Variants in CSMD1 observed in about 807,000 individuals in gnomAD.
CSMD1 encodes the protein CUB and Sushi multiple domains 1.
Under a neutral mutation model 417.5 loss-of-function variants are expected in CSMD1, and 213 were observed. That is an observed-to-expected ratio of 0.51 (90% CI 0.46 to 0.57). The LOEUF (loss-of-function observed/expected upper bound fraction) is 0.57. CSMD1 is among the 20% of genes least tolerant of loss of function. CSMD1 has a pLI of 0.00. For missense variants in CSMD1, 6,923 were observed against 4,529.7 expected (o/e 1.53, Z -15.17); for synonymous variants, 2,862 against 1,736.8 (o/e 1.65, Z -16.11).
intron 65 of CSMD1, 30 bp from the exon 66 acceptor site, chr8:2,951,305 C>G (rs200112287): frequency 7.3e-5 from 115 of 1,575,796 alleles, no homozygotes; most frequent in Middle Eastern, 1.7e-4. Context: ...AGACCAATGT[C>G]AGCACACACA....
At chr8:4,092,583 C>A (rs1445422464) in intron 3 of CSMD1, among the ~76,000 whole-genome samples, 1 of 152,036 alleles carries the variant, frequency 6.6e-6, no homozygotes. Flanking sequence ...TTAACACTAC[C>A]AATAATTAGC....
rs146652088 is a variant in CSMD1 at position 4,909,754 on chromosome 8, C to G, written c.85+84578G>C. ...AAGTGATCTCACCTGTATATAGCTC[C>G]TATAGTCTCTGATCCATGTACATTT... On this transcript the variant is annotated intron_variant, in intron 1 of 69. Transcript: ENST00000635120. 5.0e-3 allele frequency among the ~76,000 whole-genome samples: 757 copies of G among 152,256 alleles called. 9 individuals are homozygous for G. The highest frequency in any genetic ancestry group is 0.017 in the African/African-American group (709 of 41,554).
At chr8:3,427,954 G>C (rs1813962417) in intron 12 of CSMD1, among the ~76,000 whole-genome samples, 3 of 151,990 alleles carry the variant, frequency 2.0e-5, no homozygotes, top group South Asian at 4.2e-4. Context: ...GAATTAATAA[G>C]GTAAAGGAAT....
intron 3 of CSMD1, among the ~76,000 whole-genome samples, chr8:4,358,199 C>G (rs541343262): frequency 1.3e-5 from 2 of 152,102 alleles, no homozygotes; most frequent in African/African-American, 4.8e-5. Flanking sequence ...TGAATGTCTT[C>G]TGGGGTGTTA....
intron 1 of CSMD1, among the ~76,000 whole-genome samples, chr8:4,840,891 G>A (rs146947575): frequency 2.8e-4 from 43 of 152,234 alleles, no homozygotes; most frequent in South Asian, 1.5e-3. Context: ...TAATATTTGC[G>A]TGTCTCAATC....
At chr8:3,168,453 T>C (rs1006746205) in intron 37 of CSMD1, among the ~76,000 whole-genome samples, 3 of 152,084 alleles carry the variant, frequency 2.0e-5, no homozygotes, top group Non-Finnish European at 2.9e-5. Context: ...CGCATTAAAG[T>C]TGAGATAATG....
chr8:3,995,034 G>C (rs534391052), intron 5 of CSMD1, among the ~76,000 whole-genome samples: 18 of 152,240 alleles, frequency 1.2e-4, no homozygotes, highest in African/African-American at 4.3e-4. Flanking sequence ...CCCCGTCCCT[G>C]TCTATGCAAT....
chr8:3,304,009 A>G (rs1277901382), intron 25 of CSMD1, among the ~76,000 whole-genome samples: 2 of 152,146 alleles, frequency 1.3e-5, no homozygotes, highest in Admixed American at 1.3e-4. Flanking sequence ...GCACTATATA[A>G]GCAGAAGTTG....
intron 5 of CSMD1, among the ~76,000 whole-genome samples, chr8:3,933,684 C>T (rs752193063): frequency 1.3e-5 from 2 of 152,138 alleles, no homozygotes; most frequent in Admixed American, 1.3e-4. Flanking sequence ...AAATGTTTCG[C>T]ATGCAATTTG....
At chr8:4,131,252 A>T (rs1803084775) in intron 3 of CSMD1, among the ~76,000 whole-genome samples, 1 of 152,208 alleles carries the variant, frequency 6.6e-6, no homozygotes, top group South Asian at 2.1e-4. Flanking sequence ...GAGTACAGAA[A>T]GGTAGGAGAT....
At chr8:4,082,564 C>G (rs773639584) in intron 3 of CSMD1, among the ~76,000 whole-genome samples, 2 of 151,938 alleles carry the variant, frequency 1.3e-5, no homozygotes, top group East Asian at 1.9e-4. Flanking sequence ...TTACAGACCC[C>G]GCTTCATTAT....
At chr8:3,002,745 T>C (rs143539461) in intron 52 of CSMD1, among the ~76,000 whole-genome samples, 2 of 152,196 alleles carry the variant, frequency 1.3e-5, no homozygotes, top group African/African-American at 2.4e-5. Flanking sequence ...CAAGGACTTG[T>C]AATGGTCAAG....
chr8:4,222,625 T>A (rs966180393), intron 3 of CSMD1, among the ~76,000 whole-genome samples: 1 of 152,216 alleles, frequency 6.6e-6, no homozygotes, highest in Non-Finnish European at 1.5e-5. Flanking sequence ...AATCAAGAAC[T>A]GTCATTTAAA....
chr8:3,742,909 G>A (rs956582508), intron 6 of CSMD1, among the ~76,000 whole-genome samples: 19 of 152,184 alleles, frequency 1.2e-4, no homozygotes, highest in African/African-American at 4.6e-4. Context: ...ATTTCCGTGC[G>A]AATGCGCTGA....
chr8:4,555,168 A>G (rs1279126499), intron 2 of CSMD1, among the ~76,000 whole-genome samples: 2 of 152,348 alleles, frequency 1.3e-5, no homozygotes, highest in Middle Eastern at 3.4e-3. Flanking sequence ...TGAAAAGATC[A>G]TTCTGACTTC....
At chr8:4,530,060 G>A (rs968288539) in intron 2 of CSMD1, among the ~76,000 whole-genome samples, 1 of 151,694 alleles carries the variant, frequency 6.6e-6, no homozygotes, top group African/African-American at 2.4e-5. Context: ...GACTACAGGT[G>A]CCCGCCACCA....
rs201451482 is a variant in CSMD1, at chr8:3,545,195, T to C, written c.1344+29750A>G. The stretch of plus-strand genomic sequence containing the variant: ...TCTACACTTAGCAAAGAGCAGGAGG[T>C]AGAATATTGTTTCCATGTGTCTGTC... On this transcript the variant is annotated intron_variant, in intron 10 of 69. Transcript: ENST00000635120. Among the ~76,000 whole-genome samples the C allele has an allele frequency of 5.3e-5, 8 of 152,288 alleles. No individual in the cohort carries two copies. In the East Asian group the frequency reaches 1.5e-3, roughly 29 times the overall value.
At chr8:3,523,570 C>A (rs1286132672) in intron 10 of CSMD1, among the ~76,000 whole-genome samples, 3 of 152,022 alleles carry the variant, frequency 2.0e-5, no homozygotes, top group Non-Finnish European at 4.4e-5. Context: ...CAGATGCACA[C>A]ACACATGTAC....
chr8:4,277,709 G>A (rs1003100621), intron 3 of CSMD1, among the ~76,000 whole-genome samples: 1 of 152,112 alleles, frequency 6.6e-6, no homozygotes, highest in Non-Finnish European at 1.5e-5. Context: ...TCCTTAAAGT[G>A]TTAACATAAT....
Sources: allele counts gnomAD v4.1 joint callset (sites outside exome capture counted in the v4.1 genomes callset), GRCh38; gene constraint gnomAD v4.1.1; transcripts MANE v1.5; gene names NCBI Gene and HGNC (gene_info 2026-07-23, HGNC 2026-07-21).